Variants in LSAMP observed in about 807,000 individuals in gnomAD.
LSAMP encodes limbic system associated membrane protein.
In LSAMP, 7 loss-of-function variants were observed where a neutral mutation model predicts 38.6. The ratio of observed to expected loss-of-function variants is 0.18; its 90% confidence interval spans 0.10 to 0.34. The LOEUF is 0.34. Among genes scored for constraint, LSAMP ranks in the 10% least tolerant of loss-of-function variants. The pLI is 1.00. For synonymous variants in LSAMP, 154 were observed against 166.8 expected, an observed-to-expected ratio of 0.92 and a Z score of 0.59; for missense variants, 313 against 420.0, an observed-to-expected ratio of 0.75 and a Z score of 2.23.
At chr3:116,007,958 A>G (rs1940208904) in intron 3 of LSAMP, among the ~76,000 whole-genome samples, 1 of 152,164 alleles carries the variant, frequency 6.6e-6, no homozygotes, top group Non-Finnish European at 1.5e-5. Context: ...TAGGTGATGC[A>G]GATGCTGCTG....
chr3:116,341,920 G>A (rs2048000677), intron 1 of LSAMP, among the ~76,000 whole-genome samples: 1 of 152,004 alleles, frequency 6.6e-6, no homozygotes, highest in Non-Finnish European at 1.5e-5. Flanking sequence ...AACATGTATT[G>A]GCTGGATAAG....
At chr3:116,398,445 A>AT (rs145642319) in intron 1 of LSAMP, among the ~76,000 whole-genome samples, 4,588 of 152,312 alleles carry the variant, frequency 0.03, 94 homozygotes, top group South Asian at 0.089. Context: ...ATACTCATGA[A>AT]TCAACGGATA....
chr3:116,254,078 T>C (rs939219465), intron 1 of LSAMP, among the ~76,000 whole-genome samples: 3 of 152,196 alleles, frequency 2.0e-5, no homozygotes, highest in Non-Finnish European at 2.9e-5. Context: ...TGGAGTAATC[T>C]ACCTTTTAAC....
chr3:116,204,647 A>G (rs1333411763), intron 1 of LSAMP, among the ~76,000 whole-genome samples: 4 of 152,060 alleles, frequency 2.6e-5, no homozygotes, highest in Non-Finnish European at 5.9e-5. Flanking sequence ...AGCACCATTT[A>G]TTAATTAGGG....
In LSAMP at chr3:116,076,318, C is replaced by T. The variant is rs193191257; in HGVS notation, c.388+10006G>A. ...TGTCACCCAGGCTGGAGTGCAGTGG[C>T]GCGGTCTTGGCTCACTGCAACCTCC... On this transcript the variant is annotated intron_variant, in intron 2 of 6. Transcript: ENST00000490035. Among the ~76,000 whole-genome samples the T allele has an allele frequency of 6.5e-3, 985 of 151,972 alleles. 9 individuals are homozygous for T. Among genetic ancestry groups the T allele is most frequent in the African/African-American group, 0.022 (891 of 41,420 alleles).
rs578189549 is a variant in LSAMP at position 116,270,978 on chromosome 3, A to AGAT, written c.155+173896_155+173898dup. The stretch of plus-strand genomic sequence containing the variant: ...GTATGTAAAATTAAGGGATTGGAAC[A>AGAT]GATAGAGTACAGATTCTTTTCATAA... On this transcript the variant is annotated intron_variant, in intron 1 of 6. Transcript: ENST00000490035. 3.4e-3 allele frequency among the ~76,000 whole-genome samples: 514 copies of AGAT among 151,650 alleles called. 8 individuals carry two copies. Among genetic ancestry groups the AGAT allele is most frequent in the African/African-American group, 0.012 (491 of 41,034 alleles).
At chr3:116,256,335 G>A (rs544436673) in intron 1 of LSAMP, among the ~76,000 whole-genome samples, 1 of 152,162 alleles carries the variant, frequency 6.6e-6, no homozygotes, top group Admixed American at 6.5e-5. Flanking sequence ...GACCTCAGTA[G>A]TGCACACAAG....
chr3:116,001,127 A>C (rs1158124367), intron 3 of LSAMP, among the ~76,000 whole-genome samples: 1 of 152,148 alleles, frequency 6.6e-6, no homozygotes, highest in Admixed American at 6.5e-5. Context: ...TGATGTTCAC[A>C]ATGATTACCC....
chr3:116,293,688 T>C lies in LSAMP; in HGVS notation c.155+151189A>G, dbSNP rs192367058. ...AGATATTATCTAAAGTTAATAAATA[T>C]ATAGGCATCAGCATAAGCACTATAG... is the stretch of plus-strand genomic sequence containing the variant. On this transcript the variant is annotated intron_variant, in intron 1 of 6. Coordinates refer to ENST00000490035, the MANE Select transcript of LSAMP (RefSeq NM_002338.5). 2.6e-4 allele frequency among the ~76,000 whole-genome samples: 39 copies of C among 152,234 alleles called. No homozygotes were observed. The East Asian group carries it at 6.2e-3, about 24-fold the overall frequency.
chr3:115,840,484 G>A (rs368480458), intron 6 of LSAMP, among the ~76,000 whole-genome samples: 5 of 152,288 alleles, frequency 3.3e-5, no homozygotes, highest in African/African-American at 9.6e-5. Flanking sequence ...GAATACTTAT[G>A]TTTGGTCTTT....
intron 2 of LSAMP, among the ~76,000 whole-genome samples, chr3:116,022,797 T>C (rs1940675683): frequency 6.6e-6 from 1 of 152,232 alleles, no homozygotes; most frequent in African/African-American, 2.4e-5. Flanking sequence ...CAGATATTTT[T>C]CATGATTGTT....
At chr3:116,088,037 G>T (rs541969318) in intron 1 of LSAMP, among the ~76,000 whole-genome samples, 1 of 151,722 alleles carries the variant, frequency 6.6e-6, no homozygotes, top group African/African-American at 2.4e-5. Context: ...AGGATGATAG[G>T]TGCATGCCAC....
intron 3 of LSAMP, among the ~76,000 whole-genome samples, chr3:115,974,555 A>T (rs1423278308): frequency 6.6e-6 from 1 of 151,966 alleles, no homozygotes; most frequent in African/African-American, 2.4e-5. Context: ...GTATCTACAC[A>T]TTTTCCTTAA....
In LSAMP at chr3:115,829,926, CT is replaced by C. The variant is rs1337327756; in HGVS notation, c.919+11918del. 2.6e-5 allele frequency among the ~76,000 whole-genome samples: 4 copies of C among 152,124 alleles called. No individual in the cohort carries two copies. In the South Asian group the frequency reaches 6.3e-4, roughly 24 times the overall value. ...ACCAGTATACCTGCAAATATCAGTG[CT>C]TTTAAAAATTATAAGACACATGTGT... On this transcript the variant is annotated intron_variant, in intron 6 of 6. Transcript: ENST00000490035.
At chr3:116,345,821 C>T (rs1290888154) in intron 1 of LSAMP, among the ~76,000 whole-genome samples, 3 of 152,050 alleles carry the variant, frequency 2.0e-5, no homozygotes, top group Non-Finnish European at 4.4e-5. Context: ...GAAGCTCAGG[C>T]TCTTATGTGA....
In LSAMP at chr3:115,852,590, T is replaced by C; in HGVS notation, c.542A>G (p.Tyr181Cys). Residue 181 changes from tyrosine to cysteine, a missense_variant, in exon 4 of 7, where the codon TAT becomes TGT. By Grantham distance (194) the Tyr-to-Cys change is radical. Transcript: ENST00000490035. Reference sequence around the variant, plus strand: ...CCTGGTGATGCCAAGGATCTCCAGATATTCTTCTTCTCCTTCAAATTCCCT... The same window carrying C: ...CCTGGTGATGCCAAGGATCTCCAGACATTCTTCTTCTCCTTCAAATTCCCT... ...TGREFEGEEEYLEILGITREQ... is the reference protein window; with the variant it reads ...TGREFEGEEECLEILGITREQ... 2 of 1,613,168 alleles carry C rather than the reference T, an allele frequency of 1.2e-6. No homozygotes were observed. Among genetic ancestry groups the C allele is most frequent in the Non-Finnish European group, 1.7e-6 (2 of 1,179,710 alleles).
intron 1 of LSAMP, among the ~76,000 whole-genome samples, chr3:116,273,557 G>GTAATC (rs2047001188): frequency 6.6e-6 from 1 of 150,738 alleles, no homozygotes; most frequent in Admixed American, 6.6e-5. Context: ...CTCTCTTGGA[G>GTAATC]TAATCTACTT....
chr3:116,043,597 T>C (rs562372109), intron 2 of LSAMP, among the ~76,000 whole-genome samples: 2 of 152,316 alleles, frequency 1.3e-5, no homozygotes, highest in African/African-American at 4.8e-5. Flanking sequence ...GAAGCAGACC[T>C]GCCAATAAGA....
At chr3:116,263,460 C>T (rs945612283) in intron 1 of LSAMP, among the ~76,000 whole-genome samples, 2 of 151,530 alleles carry the variant, frequency 1.3e-5, no homozygotes, top group African/African-American at 4.9e-5. Context: ...ATGGCTTGAA[C>T]TTGCGAGGCA....
Sources: allele counts gnomAD v4.1 joint callset (sites outside exome capture counted in the v4.1 genomes callset), GRCh38; gene constraint gnomAD v4.1.1; transcripts MANE v1.5; gene names NCBI Gene and HGNC (gene_info 2026-07-23, HGNC 2026-07-21).